Variants in PDE4A observed in about 807,000 individuals in gnomAD.
The protein encoded by PDE4A is phosphodiesterase 4A.
Under a neutral mutation model 73.9 loss-of-function variants are expected in PDE4A, and 21 were observed. The ratio of observed to expected loss-of-function variants is 0.28; its 90% CI spans 0.20 to 0.41. The LOEUF (loss-of-function observed/expected upper bound fraction) is 0.41, where lower values mean the gene tolerates loss of function less well. Ranked by LOEUF, PDE4A falls within the 10% of genes least tolerant of loss-of-function variation. PDE4A has a pLI of 1.00. For synonymous variants in PDE4A, 463 were observed against 505.4 expected (o/e 0.92, Z 1.13); for missense variants, 958 against 1,211.4 (o/e 0.79, Z 3.10).
At chr19:10,452,250 C>T (rs2043102812) in intron 6 of PDE4A, among the ~76,000 whole-genome samples, 1 of 151,740 alleles carries the variant, frequency 6.6e-6, no homozygotes, top group Admixed American at 6.6e-5. Flanking sequence ...GCAGCCTGAC[C>T]AGCATGGAGA....
upstream of PDE4A, among the ~76,000 whole-genome samples, chr19:10,419,238 GC>G (rs1338430080): frequency 5.5e-5 from 7 of 127,250 alleles, no homozygotes; most frequent in East Asian, 2.6e-4. Flanking sequence ...GGGGGGGGGG[GC>G]GGTGGGACAC....
In PDE4A at chr19:10,463,857, G is replaced by C. The variant is rs778234698; in HGVS notation, c.1808G>C (p.Arg603Pro). The C allele has an allele frequency of 6.2e-7, 1 of 1,614,012 alleles. No individual in the cohort carries two copies. The highest frequency in any genetic ancestry group is 8.5e-7 in the Non-Finnish European group (1 of 1,180,026). The change falls in exon 14 of 15, where the codon CGC becomes CCC. Residue 603 changes from arginine (R) to proline (P), a missense_variant. Transcript: ENST00000380702. ...CCCACCAAGCCGCTGGAGCTGTACCGCCAGTGGACAGACCGCATCATGGCC... is the reference window on the plus strand; with the variant it reads ...CCCACCAAGCCGCTGGAGCTGTACCCCCAGTGGACAGACCGCATCATGGCC... Reference protein sequence around the residue: ...SNPTKPLELYRQWTDRIMAEF... With the variant: ...SNPTKPLELYPQWTDRIMAEF...
chr19:10,467,010 C>T lies in PDE4A; in HGVS notation c.2050C>T (p.Arg684Trp), dbSNP rs199552753. The T allele has an allele frequency of 6.2e-6, 10 of 1,614,018 alleles. No individual in the cohort carries two copies. Among genetic ancestry groups the T allele is most frequent in the Admixed American group, 1.7e-5 (1 of 59,990 alleles). Reference protein sequence around the residue: ...DNRDWYYSAIRQSPSPPPEEE... With the variant: ...DNRDWYYSAIWQSPSPPPEEE... The stretch of plus-strand genomic sequence containing the variant: ...CCGGGACTGGTACTACAGCGCCATC[C>T]GGCAGAGCCCATCTCCGCCACCCGA... The change falls in exon 15 of 15, where the codon CGG (arginine) becomes TGG (tryptophan). Residue 684 changes from arginine to tryptophan, a missense_variant. Physicochemically the swap from Arg to Trp is moderately radical, Grantham distance 101 (BLOSUM62 -3). This residue lies in a region of PDE4A where 570 missense variants were observed against 827.7 expected (regional missense o/e 0.69). Transcript: ENST00000380702.
chr19:10,456,343 T>G (rs2145563954), intron 7 of PDE4A, among the ~76,000 whole-genome samples: 1 of 152,170 alleles, frequency 6.6e-6, no homozygotes. Flanking sequence ...CTGACCAACA[T>G]GGTGAAACGC....
rs564681830 is a variant in PDE4A at position 10,449,656 on chromosome 19, G to A, written c.620+506G>A. Among the ~76,000 whole-genome samples the A allele has an allele frequency of 4.6e-5, 7 of 152,098 alleles. No homozygotes were observed. In the South Asian group the frequency reaches 1.5e-3, roughly 32 times the overall value. On this transcript the variant is annotated intron_variant, in intron 4 of 14. Transcript: ENST00000380702. Reference sequence around the variant, plus strand: ...ATTACAGGTGTGAGCCTCTGCGCCCGGCCCAGAGGTTTTTATAAATAAAGA... The same window carrying A: ...ATTACAGGTGTGAGCCTCTGCGCCCAGCCCAGAGGTTTTTATAAATAAAGA...
At chr19:10,421,774 T>C (rs1319476353) in intron 1 of PDE4A, among the ~76,000 whole-genome samples, 1 of 152,170 alleles carries the variant, frequency 6.6e-6, no homozygotes, top group African/African-American at 2.4e-5. Context: ...AGTCCCTGAC[T>C]GCAGAGGTGA....
rs201664388 is a variant in PDE4A at position 10,467,592 on chromosome 19, G to T, written c.2632G>T (p.Gly878Cys). 5.0e-6 allele frequency: 8 copies of T among 1,587,110 alleles called. No homozygotes were observed. ...CACATCCGCACTCCCAGCTCCTGGT[G>T]GCGGGGGGTCAGGTGGAGACCCTAC... ...EDTSALPAPGGGGSGGDPT is the reference protein window; with the variant it reads ...EDTSALPAPGCGGSGGDPT The change falls in exon 15 of 15, where the codon GGC becomes TGC. Residue 878 changes from glycine (G) to cysteine (C), a missense_variant. Gly to Cys is a radical substitution (Grantham distance 159). This residue lies in a region of PDE4A where 243 missense variants were observed against 245.9 expected (regional missense o/e 0.99). Transcript: ENST00000380702.
At chr19:10,466,737 G>C (rs1002531549) in intron 14 of PDE4A, 150 bp from the exon 15 acceptor site, 7 of 1,227,736 alleles carry the variant, frequency 5.7e-6, no homozygotes, top group Non-Finnish European at 7.9e-6. Context: ...CAAATGATCC[G>C]ACTGCCTCAG....
intron 2 of PDE4A, among the ~76,000 whole-genome samples, chr19:10,446,647 T>C (rs1020825918): frequency 6.6e-6 from 1 of 150,422 alleles, no homozygotes; most frequent in Non-Finnish European, 1.5e-5. Context: ...CAGGCTGGAG[T>C]GTAGAGGTGC....
Position 10,450,669 on chromosome 19 carries a change from G to A in PDE4A, c.670+17G>A. Reference sequence around the variant, plus strand: ...CGCTGTCAGGTAGCTAAGCCCAGAGGGGTGGGAAGGGGCCCCCCTTGCTGC... The same window carrying A: ...CGCTGTCAGGTAGCTAAGCCCAGAGAGGTGGGAAGGGGCCCCCCTTGCTGC... On this transcript the variant is annotated intron_variant, in intron 5 of 14. Transcript: ENST00000380702. The A allele has an allele frequency of 6.2e-7, 1 of 1,601,916 alleles. No homozygotes were observed. Among genetic ancestry groups the A allele is most frequent in the Non-Finnish European group, 8.5e-7 (1 of 1,175,084 alleles).
chr19:10,431,803 G>C (rs995314934), intron 1 of PDE4A, among the ~76,000 whole-genome samples: 2 of 152,178 alleles, frequency 1.3e-5, no homozygotes, highest in African/African-American at 4.8e-5. Flanking sequence ...GAGGAAGAGG[G>C]GCCAGGGCCT....
At chr19:10,466,825 A>G in intron 14 of PDE4A, 62 bp from the exon 15 acceptor site, 2 of 1,560,112 alleles carry the variant, frequency 1.3e-6, no homozygotes, top group Non-Finnish European at 1.7e-6. Flanking sequence ...ATTAGCTCCC[A>G]TAATGTGGTG....
rs1056650061 is a variant in PDE4A at position 10,431,021 on chromosome 19, C to A, written c.320+9937C>A. The A allele has an allele frequency of 3.8e-6, 6 of 1,578,410 alleles. No homozygotes were observed. In the African/African-American group the frequency reaches 6.9e-5, roughly 18 times the overall value. On this transcript the variant is annotated intron_variant, in intron 1 of 14. Transcript: ENST00000380702. ...TCTTCGCCAGCCCGTCCCCAACTTT[C>A]CGCAGACGCCTTCGGCTTCTCCGCA...
chr19:10,461,483 C>T, intron 11 of PDE4A, 43 bp from the exon 12 acceptor site: 1 of 1,605,214 alleles, frequency 6.2e-7, no homozygotes, highest in Non-Finnish European at 8.5e-7. Flanking sequence ...GCGGTTGGAG[C>T]TGCACACGTG....
intron 1 of PDE4A, chr19:10,432,331 T>G (rs2042804455): frequency 1.6e-6 from 2 of 1,266,654 alleles, no homozygotes; most frequent in Non-Finnish European, 2.0e-6. Context: ...GTGGAGGCGG[T>G]GCCGGCAGTG....
chr19:10,425,339 T>A, intron 1 of PDE4A, among the ~76,000 whole-genome samples: 1 of 152,134 alleles, frequency 6.6e-6, no homozygotes, highest in East Asian at 1.9e-4. Context: ...TGCTTGTGCC[T>A]CTCGGAGCCT....
At chr19:10,445,358 T>C (rs2145520147) in intron 1 of PDE4A, among the ~76,000 whole-genome samples, 1 of 152,220 alleles carries the variant, frequency 6.6e-6, no homozygotes, top group East Asian at 1.9e-4. Flanking sequence ...ATCCCATAAA[T>C]TTTGGCCTTG....
chr19:10,441,658 G>A (rs918176856), intron 1 of PDE4A, among the ~76,000 whole-genome samples: 1 of 138,106 alleles, frequency 7.2e-6, no homozygotes, highest in African/African-American at 2.7e-5. Context: ...TGGCTCTTAT[G>A]TTTAGGTATT....
chr19:10,448,093 T>C (rs954422069), intron 2 of PDE4A, among the ~76,000 whole-genome samples: 17 of 151,724 alleles, frequency 1.1e-4, no homozygotes, highest in Admixed American at 9.2e-4. Flanking sequence ...TCATCTCTTT[T>C]TTATCTCTCT....
Sources: allele counts gnomAD v4.1 joint callset (sites outside exome capture counted in the v4.1 genomes callset), GRCh38; gene constraint gnomAD v4.1.1; regional missense constraint gnomAD v4.1.1; transcripts MANE v1.5; gene names NCBI Gene and HGNC (gene_info 2026-07-23, HGNC 2026-07-21).